Variants in MAP7D1 observed in about 807,000 individuals in gnomAD.
The protein encoded by MAP7D1 is MAP7 domain containing 1.
A neutral mutation model predicts 97.5 loss-of-function variants in MAP7D1; 30 were observed. The observed-to-expected ratio is 0.31, with a 90% confidence interval of 0.23 to 0.42. The LOEUF (loss-of-function observed/expected upper bound fraction) is 0.42, where lower values mean the gene tolerates loss of function less well. Among genes scored for constraint, MAP7D1 ranks in the 10% least tolerant of loss-of-function variants. The pLI, the probability that MAP7D1 is intolerant of heterozygous loss-of-function variation, is 1.00. For synonymous variants in MAP7D1, 536 were observed against 477.1 expected (o/e 1.12, Z -1.61); for missense variants, 1,184 against 1,179.5 (o/e 1.00, Z -0.06).
chr1:36,166,581 G>A (rs2124215943), intron 1 of MAP7D1, among the ~76,000 whole-genome samples: 1 of 152,146 alleles, frequency 6.6e-6, no homozygotes, highest in South Asian at 2.1e-4. Flanking sequence ...AGTACAGACG[G>A]GGTTTCACCG....
At position 36,176,048 on chromosome 1, in the gene MAP7D1, C is replaced by T; in HGVS notation, c.851-151C>T. On this transcript the variant is annotated intron_variant, in intron 6 of 16. Transcript: ENST00000474796. The surrounding 1 kb of genome is among the most constrained non-coding windows in gnomAD (Gnocchi z 6.1). ...GTGGAAGTCCAGATCATAGGGAGGA[C>T]AAGTGTGGCCCCGGTGTGATTGTGG... 1 of 766,954 alleles carries T rather than the reference C, an allele frequency of 1.3e-6. No homozygotes were observed. Among genetic ancestry groups the T allele is most frequent in the Non-Finnish European group, 2.0e-6 (1 of 498,878 alleles). 47.5% of individuals were successfully genotyped at this position (766,954 alleles called of 1,614,324 possible). A position where few individuals can be genotyped will look rare whatever the true frequency, so the allele number is the denominator to read the frequency against.
chr1:36,179,513 A>G lies in MAP7D1; in HGVS notation c.2185-2A>G. ...CCTGACTGCTCTTCCTCTTCAAAGCAGAAGCAGGACAGCAAGGAGGCCAAC... is the reference window on the plus strand; with the variant it reads ...CCTGACTGCTCTTCCTCTTCAAAGCGGAAGCAGGACAGCAAGGAGGCCAAC... On this transcript the variant is annotated splice_acceptor_variant, in intron 13 of 16. Transcript: ENST00000474796. LOFTEE classifies it high-confidence loss of function. 3 of 1,580,368 alleles carry G rather than the reference A, an allele frequency of 1.9e-6. No individual in the cohort carries two copies. The highest frequency in any genetic ancestry group is 1.7e-6 in the Non-Finnish European group (2 of 1,162,278).
At chr1:36,166,826 A>T (rs1343422271) in intron 1 of MAP7D1, among the ~76,000 whole-genome samples, 1 of 152,226 alleles carries the variant, frequency 6.6e-6, no homozygotes, top group Non-Finnish European at 1.5e-5. Flanking sequence ...GGAGACAGTG[A>T]GAAATGATTA....
At position 36,180,698 on chromosome 1, in the gene MAP7D1, A is replaced by T. The variant is rs1392934108; in HGVS notation, c.*440A>T. On this transcript the variant is annotated 3_prime_UTR_variant, in exon 17 of 17. Coordinates refer to ENST00000474796, the MANE Select transcript of MAP7D1 (RefSeq NM_001388490.1). Reference sequence around the variant, plus strand: ...GATCTTCCTCTCTCTATTTAACTGTAACTGAGGGGGATCCCAGGTCTGGGG... The same window carrying T: ...GATCTTCCTCTCTCTATTTAACTGTTACTGAGGGGGATCCCAGGTCTGGGG... The T allele has an allele frequency of 4.8e-6, 1 of 210,098 alleles. No homozygotes were observed. The highest frequency in any genetic ancestry group is 1.1e-4 in the East Asian group (1 of 8,696). 13.0% of individuals were successfully genotyped at this position (210,098 alleles called of 1,614,324 possible).
intron 1 of MAP7D1, among the ~76,000 whole-genome samples, chr1:36,157,046 G>A (rs1644343534): frequency 1.3e-5 from 2 of 152,170 alleles, no homozygotes. Context: ...GGGAGGGGAG[G>A]AGAGAGGGAG....
intron 2 of MAP7D1, 46 bp from the exon 3 acceptor site, chr1:36,171,467 T>C (rs1375238300): frequency 1.2e-6 from 2 of 1,603,120 alleles, no homozygotes; most frequent in Middle Eastern, 1.6e-4. Flanking sequence ...TGACTCCTCT[T>C]TGGGGACAGC....
chr1:36,160,972 C>T (rs964829197), intron 1 of MAP7D1, among the ~76,000 whole-genome samples: 1 of 152,246 alleles, frequency 6.6e-6, no homozygotes, highest in Non-Finnish European at 1.5e-5. Flanking sequence ...GGGCAACAGC[C>T]TGGGCAGCCC....
intron 8 of MAP7D1, 198 bp from the exon 9 acceptor site, chr1:36,177,675 A>G: frequency 1.2e-6 from 1 of 859,454 alleles, no homozygotes; most frequent in Admixed American, 2.6e-5. Flanking sequence ...TACAATAATC[A>G]AAGAATCCCA....
In MAP7D1 at chr1:36,180,228, C is replaced by G. The variant is rs753658635; in HGVS notation, c.2513-20C>G. ...TGAGTGCTGTTTGCCCTGACTGTTT[C>G]CCTTCCTGTTTTTCCCCAGAAGTCC... On this transcript the variant is annotated intron_variant, in intron 16 of 16. Transcript: ENST00000474796. The G allele has an allele frequency of 8.7e-6, 14 of 1,614,044 alleles. No homozygotes were observed. The East Asian group carries it at 3.1e-4, about 36-fold the overall frequency.
In MAP7D1 at chr1:36,176,492, T is replaced by C. The variant is rs1314380396; in HGVS notation, c.1144T>C (p.Cys382Arg). 12 of 1,382,374 alleles carry C rather than the reference T, an allele frequency of 8.7e-6. No homozygotes were observed. In the East Asian group the frequency reaches 3.1e-4, roughly 36 times the overall value. 85.6% of individuals were successfully genotyped at this position (1,382,374 alleles called of 1,614,324 possible). Reference sequence around the variant, plus strand: ...CAGCGTCACCCGAAGCGTGCACCGCTGCGCCCCCGCCGGTGAGCGCGGGGA... The same window carrying C: ...CAGCGTCACCCGAAGCGTGCACCGCCGCGCCCCCGCCGGTGAGCGCGGGGA... Reference protein sequence around the residue: ...PCSVTRSVHRCAPAGERGERR... With the variant: ...PCSVTRSVHRRAPAGERGERR... Residue 382 changes from cysteine (C) to arginine (R), a missense_variant, in exon 7 of 17, where the codon TGC becomes CGC. Physicochemically the swap from Cys to Arg is radical, Grantham distance 180. Transcript: ENST00000474796. The surrounding 1 kb of genome is among the most constrained non-coding windows in gnomAD (Gnocchi z 6.1).
rs776056224 is a variant in MAP7D1 at position 36,172,465 on chromosome 1, G to A, written c.462G>A (p.Ala154=). The A allele has an allele frequency of 1.5e-5, 24 of 1,571,514 alleles. No homozygotes were observed. Among genetic ancestry groups the A allele is most frequent in the South Asian group, 2.3e-5 (2 of 88,418 alleles). ...ERREERAKYL[A]AKKAVWLEKE... is the part of the protein sequence containing the mutation. ...GCCACTGGGCTCCTTTGTCCACAGCGGCCAAGAAGGCAGTGTGGCTGGAGA... is the reference window on the plus strand; with the variant it reads ...GCCACTGGGCTCCTTTGTCCACAGCAGCCAAGAAGGCAGTGTGGCTGGAGA... Residue 154 remains alanine, a splice_region_variant and synonymous_variant, in exon 4 of 17, where the codon GCG becomes GCA. Coordinates refer to ENST00000474796, the MANE Select transcript of MAP7D1 (RefSeq NM_001388490.1).
intron 8 of MAP7D1, chr1:36,177,488 C>T: frequency 2.1e-6 from 1 of 479,260 alleles, no homozygotes; most frequent in East Asian, 6.1e-5. Flanking sequence ...GATGCCACTG[C>T]ACTCCAGCCT....
At chr1:36,179,232 G>C (rs866204704) in intron 12 of MAP7D1, 30 bp from the exon 13 acceptor site, 1 of 1,612,188 alleles carries the variant, frequency 6.2e-7, no homozygotes, top group Middle Eastern at 1.7e-4. Flanking sequence ...GGCGGGGCTC[G>C]AGCCTAACTG....
chr1:36,160,501 G>A (rs138514748), intron 1 of MAP7D1, among the ~76,000 whole-genome samples: 107 of 152,284 alleles, frequency 7.0e-4, no homozygotes, highest in African/African-American at 1.5e-3. Context: ...AGCATGTCAC[G>A]GGCATTGTCT....
Position 36,176,795 on chromosome 1 carries a change from C to T in MAP7D1, c.1332C>T (p.Pro444=), listed in dbSNP as rs760071001. The T allele has an allele frequency of 6.3e-6, 10 of 1,595,424 alleles. No individual in the cohort carries two copies. The highest frequency in any genetic ancestry group is 1.8e-4 in the Middle Eastern group (1 of 5,696). Reference sequence around the variant, plus strand: ...GCCTCAAGAAGCGCCAGTCGCTGCCCGCCTCCCCACGTGCCCGCCTCTCTG... The same window carrying T: ...GCCTCAAGAAGCGCCAGTCGCTGCCTGCCTCCCCACGTGCCCGCCTCTCTG... ...ERSLKKRQSL[P]ASPRARLSAS... The change falls in exon 8 of 17, where the codon CCC becomes CCT. Residue 444 remains proline (P), a synonymous_variant. Coordinates refer to ENST00000474796, the MANE Select transcript of MAP7D1 (RefSeq NM_001388490.1). The surrounding 1 kb of genome is among the most constrained non-coding windows in gnomAD (Gnocchi z 6.1).
chr1:36,163,805 T>A (rs963298300), intron 1 of MAP7D1, among the ~76,000 whole-genome samples: 1 of 146,920 alleles, frequency 6.8e-6, no homozygotes, highest in Non-Finnish European at 1.5e-5. Context: ...CACATAGATA[T>A]ATACTTTTTT....
At position 36,171,568 on chromosome 1, in the gene MAP7D1, G is replaced by A; in HGVS notation, c.447G>A (p.Arg149=). 4.3e-6 allele frequency: 7 copies of A among 1,614,138 alleles called. No individual in the cohort carries two copies. Among genetic ancestry groups the A allele is most frequent in the Non-Finnish European group, 5.9e-6 (7 of 1,179,988 alleles). The stretch of plus-strand genomic sequence containing the variant: ...TGGCAAAGGAGCGGCGAGAAGAGCG[G>A]GCCAAGTACCTGGGTGAGTGAGCAG... ...HKLAKERREE[R]AKYLAAKKAV... The change falls in exon 3 of 17, where the codon CGG becomes CGA. Residue 149 remains arginine, a synonymous_variant. Coordinates refer to ENST00000474796, the MANE Select transcript of MAP7D1 (RefSeq NM_001388490.1).
At position 36,179,717 on chromosome 1, in the gene MAP7D1, T is replaced by C; in HGVS notation, c.2279T>C (p.Val760Ala). Residue 760 changes from valine (V) to alanine (A), a missense_variant, in exon 15 of 17, where the codon GTG becomes GCG. Physicochemically the swap from Val to Ala is moderately conservative, Grantham distance 64 (BLOSUM62 0). Coordinates refer to ENST00000474796, the MANE Select transcript of MAP7D1 (RefSeq NM_001388490.1). ...ARSPGLQKEAVQKEEPIPQEP... is the reference protein window; with the variant it reads ...ARSPGLQKEAAQKEEPIPQEP... ...TCCCCAGGGCTGCAGAAGGAGGCTG[T>C]GCAGAAAGAGGAGCCCATCCCACAG... The C allele has an allele frequency of 6.6e-7, 1 of 1,517,710 alleles. No homozygotes were observed. The highest frequency in any genetic ancestry group is 1.4e-5 in the African/African-American group (1 of 72,024). The allele number at this position is 1,517,710 out of a possible 1,614,324, so 94.0% of individuals were successfully genotyped here.
At position 36,178,260 on chromosome 1, in the gene MAP7D1, G is replaced by A. The variant is rs372588251; in HGVS notation, c.1708+59G>A. ...CGAGAGAAGCCAGCTTCTCCTGTGT[G>A]GGGGTGTGGGCCGCCAGAGATGCCT... is the stretch of plus-strand genomic sequence containing the variant. On this transcript the variant is annotated intron_variant, in intron 9 of 16. Coordinates refer to ENST00000474796, the MANE Select transcript of MAP7D1 (RefSeq NM_001388490.1). The A allele has an allele frequency of 5.4e-6, 8 of 1,488,986 alleles. No individual in the cohort carries two copies. The East Asian group carries it at 1.7e-4, about 32-fold the overall frequency. 92.2% of individuals were successfully genotyped at this position (1,488,986 alleles called of 1,614,324 possible).
Sources: allele counts gnomAD v4.1 joint callset (sites outside exome capture counted in the v4.1 genomes callset), GRCh38; gene constraint gnomAD v4.1.1; non-coding constraint Gnocchi (gnomAD v3.1); transcripts MANE v1.5; gene names NCBI Gene and HGNC (gene_info 2026-07-23, HGNC 2026-07-21).